Variants in RPS6KA1 observed in about 807,000 individuals in gnomAD.
The protein encoded by RPS6KA1 is ribosomal protein S6 kinase alpha-1.
In RPS6KA1, 48 loss-of-function variants were observed where a neutral mutation model predicts 91.3. The ratio of observed to expected loss-of-function variants is 0.53; its 90% CI spans 0.42 to 0.67. RPS6KA1 has a LOEUF of 0.67. Among genes scored for constraint, RPS6KA1 ranks in the 30% least tolerant of loss-of-function variants. The probability of loss-of-function intolerance (pLI) is 0.00; values close to 1 mark genes in which losing one functional copy is unlikely to be tolerated. For missense variants in RPS6KA1, 719 were observed against 960.5 expected (o/e 0.75, Z 3.32); for synonymous variants, 359 against 384.7 (o/e 0.93, Z 0.78).
chr1:26,544,557 CT>C (rs1483141182), intron 2 of RPS6KA1, among the ~76,000 whole-genome samples: 2 of 151,844 alleles, frequency 1.3e-5, no homozygotes, highest in African/African-American at 2.4e-5. Flanking sequence ...TCACTGCAGC[CT>C]CCCCCTCCCA....
intron 2 of RPS6KA1, among the ~76,000 whole-genome samples, chr1:26,545,379 T>C (rs1197188375): frequency 1.3e-5 from 2 of 150,766 alleles, no homozygotes; most frequent in African/African-American, 4.9e-5. Flanking sequence ...GGTTTCATCA[T>C]GTTAACCAGG....
chr1:26,535,075 C>T (rs2075896656), intron 1 of RPS6KA1, among the ~76,000 whole-genome samples: 1 of 151,908 alleles, frequency 6.6e-6, no homozygotes, highest in African/African-American at 2.4e-5. Flanking sequence ...GGAATTATGT[C>T]AAGAGTCTAG....
chr1:26,567,146 C>A (rs2076209894), intron 17 of RPS6KA1, among the ~76,000 whole-genome samples: 1 of 151,946 alleles, frequency 6.6e-6, no homozygotes, highest in Non-Finnish European at 1.5e-5. Context: ...CAACCTGCAC[C>A]CCACACAGCT....
At chr1:26,567,088 C>G (rs1011113020) in intron 17 of RPS6KA1, among the ~76,000 whole-genome samples, 2 of 151,930 alleles carry the variant, frequency 1.3e-5, no homozygotes, top group Admixed American at 1.3e-4. Context: ...ATGATCATGG[C>G]TCACTGCAGC....
Position 26,551,624 on chromosome 1 carries a change from G to T in RPS6KA1, c.389-20G>T. 6.2e-7 allele frequency: 1 copy of T among 1,612,682 alleles called. No individual in the cohort carries two copies. ...ATAAGGCCGCGCCGACTCTACCATT[G>T]CCTTTCTCCCTCTTCCCAGCCTTCC... On this transcript the variant is annotated intron_variant, in intron 5 of 21. Coordinates refer to ENST00000374168, the MANE Select transcript of RPS6KA1 (RefSeq NM_002953.4). This position sits in a 1 kb window ranked among gnomAD's most constrained non-coding sequence, Gnocchi z 4.5.
intron 19 of RPS6KA1, 25 bp from the exon 20 acceptor site, chr1:26,572,151 C>G (rs1178941885): frequency 1.3e-6 from 2 of 1,586,032 alleles, no homozygotes; most frequent in Admixed American, 3.3e-5. Context: ...GAGTCTGTAC[C>G]CAGACCGTGC....
At chr1:26,537,071 A>C in intron 2 of RPS6KA1, 102 bp downstream of exon 2, 1 of 1,267,044 alleles carries the variant, frequency 7.9e-7, no homozygotes. Context: ...CCTTTGCCCA[A>C]CTCAGCCGTC....
Position 26,574,943 on chromosome 1 carries a change from A to G in RPS6KA1, c.*742A>G, listed in dbSNP as rs918206600. On this transcript the variant is annotated 3_prime_UTR_variant, in exon 22 of 22. Transcript: ENST00000374168. This position sits in a 1 kb window ranked among gnomAD's most constrained non-coding sequence, Gnocchi z 4.3. ...GAGGCCAGTGGGCGGGCCATGAGGG[A>G]CAGGGTCTTTTTTCATTTCTTCCTC... 3.0e-5 allele frequency: 5 copies of G among 168,904 alleles called. No homozygotes were observed. The highest frequency in any genetic ancestry group is 5.1e-5 in the Non-Finnish European group (4 of 77,718). 10.5% of individuals were successfully genotyped at this position (168,904 alleles called of 1,614,324 possible).
chr1:26,560,276 T>C (rs1462064922), intron 14 of RPS6KA1, among the ~76,000 whole-genome samples: 1 of 152,228 alleles, frequency 6.6e-6, no homozygotes, highest in Admixed American at 6.5e-5. Flanking sequence ...TCAGCATTGC[T>C]ACGGCTAATG....
intron 4 of RPS6KA1, among the ~76,000 whole-genome samples, chr1:26,548,087 G>A (rs1460538805): frequency 1.3e-5 from 2 of 152,108 alleles, no homozygotes; most frequent in Non-Finnish European, 1.5e-5. Context: ...GAGGTAGTGG[G>A]GGCAGTAGGA....
rs1417959137 is a variant in RPS6KA1 at position 26,554,755 on chromosome 1, G to A, written c.756+17G>A. On this transcript the variant is annotated intron_variant, in intron 9 of 21. Transcript: ENST00000374168. This position sits in a 1 kb window ranked among gnomAD's most constrained non-coding sequence, Gnocchi z 4.6. ...GTGTTGATGGTGAGTGCCCAGACAG[G>A]GGTAAAGGATCCAGCCCAAGCCTCT... The A allele has an allele frequency of 3.1e-6, 5 of 1,587,798 alleles. No homozygotes were observed. Among genetic ancestry groups the A allele is most frequent in the African/African-American group, 1.3e-5 (1 of 74,330 alleles).
At chr1:26,542,733 G>T (rs1242213119) in intron 2 of RPS6KA1, among the ~76,000 whole-genome samples, 1 of 152,110 alleles carries the variant, frequency 6.6e-6, no homozygotes, top group African/African-American at 2.4e-5. Context: ...GCCATGGGAA[G>T]GATGCTATGG....
rs966069133 is a variant in RPS6KA1 at position 26,547,137 on chromosome 1, T to G, written c.226-52T>G. The G allele has an allele frequency of 6.3e-7, 1 of 1,593,052 alleles. No individual in the cohort carries two copies. Among genetic ancestry groups the G allele is most frequent in the Non-Finnish European group, 8.6e-7 (1 of 1,161,300 alleles). ...GGCTCAGAGAAGATAGAGGTCAGCC[T>G]GGACTCAGACCTCTCCCATCTTCTG... On this transcript the variant is annotated intron_variant, in intron 3 of 21. Coordinates refer to ENST00000374168, the MANE Select transcript of RPS6KA1 (RefSeq NM_002953.4). The surrounding 1 kb of genome is among the most constrained non-coding windows in gnomAD (Gnocchi z 4.1).
Position 26,547,123 on chromosome 1 carries a change from G to C in RPS6KA1, c.226-66G>C, listed in dbSNP as rs943870414. 6.3e-7 allele frequency: 1 copy of C among 1,577,714 alleles called. No homozygotes were observed. The highest frequency in any genetic ancestry group is 8.7e-7 in the Non-Finnish European group (1 of 1,147,680). On this transcript the variant is annotated intron_variant, in intron 3 of 21. Transcript: ENST00000374168. The surrounding 1 kb of genome is among the most constrained non-coding windows in gnomAD (Gnocchi z 4.1). Reference sequence around the variant, plus strand: ...AAAGGTCAGCTTGGGGCTCAGAGAAGATAGAGGTCAGCCTGGACTCAGACC... The same window carrying C: ...AAAGGTCAGCTTGGGGCTCAGAGAACATAGAGGTCAGCCTGGACTCAGACC...
chr1:26,529,786 G>A lies in RPS6KA1; in HGVS notation c.-135G>A. ...GAAGTGCTAGTGCCGCGGCGGCGGCGGCGGACGGCCCAGCCGGAGCGCGAG... is the reference window on the plus strand; with the variant it reads ...GAAGTGCTAGTGCCGCGGCGGCGGCAGCGGACGGCCCAGCCGGAGCGCGAG... On this transcript the variant is annotated 5_prime_UTR_variant, in exon 1 of 22. Transcript: ENST00000374168. The surrounding 1 kb of genome is among the most constrained non-coding windows in gnomAD (Gnocchi z 4.2). The A allele has an allele frequency of 1.9e-6, 1 of 516,716 alleles. No individual in the cohort carries two copies. The allele number at this position is 516,716 out of a possible 1,614,324, so 32.0% of individuals were successfully genotyped here. A position where few individuals can be genotyped will look rare whatever the true frequency, so the allele number is the denominator to read the frequency against.
chr1:26,571,623 G>A lies in RPS6KA1; in HGVS notation c.1752+13G>A. ...TGTGGCGCCTGAGGTGAGTGGCCCAGCCTCCTCAGCTGTAAGAGTGAGGGG... is the reference window on the plus strand; with the variant it reads ...TGTGGCGCCTGAGGTGAGTGGCCCAACCTCCTCAGCTGTAAGAGTGAGGGG... On this transcript the variant is annotated intron_variant, in intron 18 of 21. Coordinates refer to ENST00000374168, the MANE Select transcript of RPS6KA1 (RefSeq NM_002953.4). The surrounding 1 kb of genome is among the most constrained non-coding windows in gnomAD (Gnocchi z 5.1). 1 of 1,613,374 alleles carries A rather than the reference G, an allele frequency of 6.2e-7. No individual in the cohort carries two copies. Among genetic ancestry groups the A allele is most frequent in the Non-Finnish European group, 8.5e-7 (1 of 1,179,600 alleles).
Position 26,554,865 on chromosome 1 carries a change from A to T in RPS6KA1, c.756+127A>T. ...CTCCTCTCACAGCCAAGCTGGCCTC[A>T]CCCTATATGCACCTGCAGTTTTCTT... On this transcript the variant is annotated intron_variant, in intron 9 of 21. Coordinates refer to ENST00000374168, the MANE Select transcript of RPS6KA1 (RefSeq NM_002953.4). This position sits in a 1 kb window ranked among gnomAD's most constrained non-coding sequence, Gnocchi z 4.6. 7.9e-7 allele frequency: 1 copy of T among 1,272,938 alleles called. No homozygotes were observed. The highest frequency in any genetic ancestry group is 1.1e-6 in the Non-Finnish European group (1 of 918,130). The allele number at this position is 1,272,938 out of a possible 1,614,324, so 78.9% of individuals were successfully genotyped here.
At chr1:26,549,690 C>CTTTTTTTTTTTTTTTTTT (rs561375723) in intron 4 of RPS6KA1, among the ~76,000 whole-genome samples, 2 of 101,918 alleles carry the variant, frequency 2.0e-5, no homozygotes. Flanking sequence ...AAAGCCTGTT[C>CTTTTTTTTTTTTTTTTTT]TTTTTTTTTT....
rs1261526877 is a variant in RPS6KA1 at position 26,561,025 on chromosome 1, C to T, written c.1342-20C>T. 3.1e-6 allele frequency: 5 copies of T among 1,611,138 alleles called. No homozygotes were observed. The South Asian group carries it at 3.3e-5, about 11-fold the overall frequency. On this transcript the variant is annotated intron_variant, in intron 15 of 21. Transcript: ENST00000374168. This position sits in a 1 kb window ranked among gnomAD's most constrained non-coding sequence, Gnocchi z 5.7. Reference sequence around the variant, plus strand: ...GGACCCTGTCACCCTGACACTGCCACATGCACCCCCTTTCTTCAGGTCATT... The same window carrying T: ...GGACCCTGTCACCCTGACACTGCCATATGCACCCCCTTTCTTCAGGTCATT...
Sources: gnomAD v4.1 joint callset for allele counts (sites outside exome capture counted in the v4.1 genomes callset) on GRCh38, gnomAD v4.1.1 for gene constraint, Gnocchi (gnomAD v3.1) non-coding constraint, MANE v1.5 for transcripts, NCBI Gene and HGNC (gene_info 2026-07-23, HGNC 2026-07-21) for gene names.